Variants in ARHGAP25 observed in about 807,000 individuals in gnomAD.
ARHGAP25 encodes the protein rho GTPase-activating protein 25.
ARHGAP25 carries 34 observed loss-of-function variants against 71.0 expected under a neutral mutation model. The ratio of observed to expected loss-of-function variants is 0.48; its 90% CI spans 0.36 to 0.64. ARHGAP25 has a LOEUF of 0.64. Among genes scored for constraint, ARHGAP25 ranks in the 30% least tolerant of loss-of-function variants. The probability of loss-of-function intolerance (pLI) is 0.00; values close to 1 mark genes in which losing one functional copy is unlikely to be tolerated. For synonymous variants in ARHGAP25, 282 were observed against 296.5 expected (o/e 0.95, Z 0.50); for missense variants, 706 against 805.1 (o/e 0.88, Z 1.49).
At chr2:68,756,077 G>A (rs1676464387) in intron 1 of ARHGAP25, among the ~76,000 whole-genome samples, 1 of 151,986 alleles carries the variant, frequency 6.6e-6, no homozygotes, top group African/African-American at 2.4e-5. Context: ...ATCTATTTTG[G>A]GACCCTGGTG....
chr2:68,775,991 G>A (rs941204643), intron 2 of ARHGAP25, among the ~76,000 whole-genome samples: 5 of 152,204 alleles, frequency 3.3e-5, no homozygotes, highest in African/African-American at 1.2e-4. Flanking sequence ...ACGAGTTAAG[G>A]GAAGATGTAA....
chr2:68,755,944 G>A (rs952345084), intron 1 of ARHGAP25, among the ~76,000 whole-genome samples: 6 of 152,000 alleles, frequency 3.9e-5, no homozygotes, highest in Non-Finnish European at 1.5e-5. Context: ...TCTCTATTTG[G>A]TATATGCATT....
intron 5 of ARHGAP25, among the ~76,000 whole-genome samples, chr2:68,811,315 A>C (rs2311417): frequency 6.6e-6 from 1 of 151,862 alleles, no homozygotes; most frequent in Non-Finnish European, 1.5e-5. Flanking sequence ...ATGCTGATAG[A>C]GACAAATGGG....
intron 4 of ARHGAP25, among the ~76,000 whole-genome samples, chr2:68,793,951 G>C (rs1304328886): frequency 6.6e-6 from 1 of 152,012 alleles, no homozygotes; most frequent in East Asian, 1.9e-4. Context: ...TCTTTTGTCA[G>C]TGATTCTGTA....
chr2:68,799,880 A>AGGAG (rs1679843531), intron 4 of ARHGAP25, among the ~76,000 whole-genome samples: 1 of 151,946 alleles, frequency 6.6e-6, no homozygotes, highest in African/African-American at 2.4e-5. Flanking sequence ...CAGTCTGGGG[A>AGGAG]GGAGGGAAGG....
intron 6 of ARHGAP25, among the ~76,000 whole-genome samples, chr2:68,815,811 G>C (rs62133267): frequency 0.33 from 50,487 of 151,588 alleles, 8,526 homozygotes; most frequent in East Asian, 0.43. Flanking sequence ...CCGTCCTCCA[G>C]CGTGGTCTGC....
At chr2:68,724,864 C>T (rs868016892) in intron 2 of ARHGAP25, among the ~76,000 whole-genome samples, 2 of 152,156 alleles carry the variant, frequency 1.3e-5, no homozygotes, top group South Asian at 4.1e-4. Context: ...TCATCCAACC[C>T]GTTGGGAGAG....
At chr2:68,726,886 G>T (rs901306307) in intron 2 of ARHGAP25, among the ~76,000 whole-genome samples, 25 of 151,706 alleles carry the variant, frequency 1.6e-4, no homozygotes, top group African/African-American at 6.1e-4. Context: ...CTTGCAAAAA[G>T]GCATAGTCCT....
At position 68,822,761 on chromosome 2, in the gene ARHGAP25, CT is replaced by C; in HGVS notation, c.1623del (p.Gly542GlufsTer24). The C allele has an allele frequency of 1.2e-6, 2 of 1,614,142 alleles. No individual in the cohort carries two copies. The highest frequency in any genetic ancestry group is 1.7e-6 in the Non-Finnish European group (2 of 1,180,010). On this transcript the variant is annotated frameshift_variant, in exon 10 of 11. Coordinates refer to ENST00000409202, the MANE Select transcript of ARHGAP25 (RefSeq NM_001007231.3). LOFTEE classifies it high-confidence loss of function. ...TLASPNSETG[P>X]GKKNSGEEEI... ...GCCAGTCCAAACTCTGAAACTGGGC[CT>C]GGAAAAAAGAACTCTGGAGAAGAGG...
At chr2:68,789,382 A>G (rs886356965) in intron 4 of ARHGAP25, among the ~76,000 whole-genome samples, 2 of 152,234 alleles carry the variant, frequency 1.3e-5, no homozygotes, top group Non-Finnish European at 2.9e-5. Flanking sequence ...GGTTACAAAT[A>G]GAAATTGTAT....
chr2:68,808,735 C>A (rs2103635805), intron 5 of ARHGAP25, among the ~76,000 whole-genome samples: 1 of 152,294 alleles, frequency 6.6e-6, no homozygotes, highest in South Asian at 2.1e-4. Context: ...TTTCAGTTAA[C>A]CTTGGCCTGA....
At chr2:68,732,426 T>A (rs1558602259), upstream of ARHGAP25, among the ~76,000 whole-genome samples, 1 of 152,234 alleles carries the variant, frequency 6.6e-6, no homozygotes, top group Non-Finnish European at 1.5e-5. Context: ...CCCGTGGAGA[T>A]GCTGCTGGGC....
chr2:68,810,731 CTTTTTT>C (rs539849992), intron 5 of ARHGAP25, among the ~76,000 whole-genome samples: 1 of 74,354 alleles, frequency 1.3e-5, no homozygotes, highest in Non-Finnish European at 2.5e-5. Flanking sequence ...CTTTTCTTCT[CTTTTTT>C]TTTTTTTTTT....
At chr2:68,742,371 A>G (rs575758957) in intron 1 of ARHGAP25, among the ~76,000 whole-genome samples, 3 of 152,318 alleles carry the variant, frequency 2.0e-5, no homozygotes, top group East Asian at 3.9e-4. Context: ...ACTAACCATA[A>G]TGGAATGAGC....
intron 9 of ARHGAP25, among the ~76,000 whole-genome samples, chr2:68,820,202 T>C (rs1408234443): frequency 6.6e-6 from 1 of 152,246 alleles, no homozygotes; most frequent in Non-Finnish European, 1.5e-5. Context: ...CATCCCACAG[T>C]CCTTGAGAAT....
At position 68,762,065 on chromosome 2, in the gene ARHGAP25, A is replaced by T. The variant is rs182794857; in HGVS notation, c.62-13156A>T. 8.9e-3 allele frequency among the ~76,000 whole-genome samples: 1,355 copies of T among 152,322 alleles called. 20 individuals carry two copies. Among genetic ancestry groups the T allele is most frequent in the African/African-American group, 0.031 (1,288 of 41,568 alleles). On this transcript the variant is annotated intron_variant, in intron 1 of 10. Transcript: ENST00000409202. ...GTATTCAGCCTTAAAAAGGAAGGAC[A>T]TTCTGCAATATGCTATAGCACCGAT...
In ARHGAP25 at chr2:68,810,623, A is replaced by G. The variant is rs538253496; in HGVS notation, c.675-2664A>G. On this transcript the variant is annotated intron_variant, in intron 5 of 10. Transcript: ENST00000409202. ...ATCCCTTTCTCTTTTCTAATGATGG[A>G]TGCTTTTGCTGTCTAAATTTCTCCT... 5.4e-4 allele frequency among the ~76,000 whole-genome samples: 82 copies of G among 151,948 alleles called. 2 individuals carry two copies. In the South Asian group the frequency reaches 0.016, roughly 30 times the overall value.
At chr2:68,750,875 G>A (rs1333704137) in intron 1 of ARHGAP25, among the ~76,000 whole-genome samples, 1 of 152,240 alleles carries the variant, frequency 6.6e-6, no homozygotes, top group Non-Finnish European at 1.5e-5. Flanking sequence ...GAAACCAAAG[G>A]TGAAAGCTTT....
chr2:68,826,497 C>CAATA lies in ARHGAP25; in HGVS notation c.*304_*307dup, dbSNP rs990550151. ...GAGGCAGCACATCTCAGGACCCAGG[C>CAATA]AATAGACTGGCCCCAACTCAGGCTG... On this transcript the variant is annotated 3_prime_UTR_variant, in exon 11 of 11. Coordinates refer to ENST00000409202, the MANE Select transcript of ARHGAP25 (RefSeq NM_001007231.3). The CAATA allele has an allele frequency of 1.1e-4, 51 of 467,348 alleles. No individual in the cohort carries two copies. The highest frequency in any genetic ancestry group is 9.3e-4 in the African/African-American group (47 of 50,802). The allele number at this position is 467,348 out of a possible 1,614,324, so 29.0% of individuals were successfully genotyped here. A position where few individuals can be genotyped will look rare whatever the true frequency, so the allele number is the denominator to read the frequency against.
Sources: gnomAD v4.1 joint callset for allele counts (sites outside exome capture counted in the v4.1 genomes callset) on GRCh38, gnomAD v4.1.1 for gene constraint, MANE v1.5 for transcripts, NCBI Gene and HGNC (gene_info 2026-07-23, HGNC 2026-07-21) for gene names.